ADGRL2: variants seen among roughly 807,000 people sequenced by gnomAD.
The protein encoded by ADGRL2 is calcium-independent alpha-latrotoxin receptor 2.
Under a neutral mutation model 157.4 loss-of-function variants are expected in ADGRL2, and 44 were observed. The ratio of observed to expected loss-of-function variants is 0.28; its 90% CI spans 0.22 to 0.36. ADGRL2 has a LOEUF of 0.36. Among genes scored for constraint, ADGRL2 ranks in the 10% least tolerant of loss-of-function variants. The pLI is 1.00. For missense variants in ADGRL2, 1,510 were observed against 1,768.9 expected (o/e 0.85, Z 2.63); for synonymous variants, 585 against 624.7 (o/e 0.94, Z 0.95).
intron 3 of ADGRL2, among the ~76,000 whole-genome samples, chr1:81,645,795 C>A (rs1279460171): frequency 1.3e-5 from 2 of 152,040 alleles, no homozygotes; most frequent in African/African-American, 2.4e-5. Flanking sequence ...CATATTTCCC[C>A]CCTCTAATAA....
chr1:81,678,125 CTTATAA>C lies in ADGRL2; in HGVS notation c.-142-83680_-142-83675del, dbSNP rs2083034174. Among the ~76,000 whole-genome samples, 6 of 152,280 alleles carry C rather than the reference CTTATAA, an allele frequency of 3.9e-5. No homozygotes were observed. In the South Asian group the frequency reaches 1.2e-3, roughly 32 times the overall value. On this transcript the variant is annotated intron_variant, in intron 3 of 24. Coordinates refer to the ADGRL2 transcript ENST00000370721. ...GGAAGAATTTATCATTCCTGCAGGA[CTTATAA>C]TTATATCCATTATACCACACCATAT... is the stretch of plus-strand genomic sequence containing the variant.
chr1:81,358,206 G>C (rs1196682697), intron 1 of ADGRL2, among the ~76,000 whole-genome samples: 1 of 152,192 alleles, frequency 6.6e-6, no homozygotes, highest in Non-Finnish European at 1.5e-5. Context: ...TTTTTAAACT[G>C]TGTGACAGAG....
At chr1:81,475,599 T>A (rs2078256425) in intron 2 of ADGRL2, among the ~76,000 whole-genome samples, 1 of 152,206 alleles carries the variant, frequency 6.6e-6, no homozygotes, top group Non-Finnish European at 1.5e-5. Flanking sequence ...GCTAAAACCT[T>A]TAATAATTTT....
intron 2 of ADGRL2, among the ~76,000 whole-genome samples, chr1:81,871,448 C>A (rs1485896898): frequency 6.6e-6 from 1 of 151,900 alleles, no homozygotes; most frequent in Non-Finnish European, 1.5e-5. Flanking sequence ...GGGTGTATAC[C>A]CAGTAATGGG....
chr1:81,590,358 A>G (rs1054809397), intron 3 of ADGRL2, among the ~76,000 whole-genome samples: 1 of 152,112 alleles, frequency 6.6e-6, no homozygotes, highest in Non-Finnish European at 1.5e-5. Flanking sequence ...CCTTTCACAT[A>G]GTAACCATTT....
rs1190015060 is a variant in ADGRL2 at position 81,501,833 on chromosome 1, C to CAGCAGCAGCAGCAGCAG, written c.-248+56744_-248+56745insAGCAGCAGCAGCAGCAG. 3 of 1,588,558 alleles carry CAGCAGCAGCAGCAGCAG rather than the reference C, an allele frequency of 1.9e-6. No individual in the cohort carries two copies. In the African/African-American group the frequency reaches 4.1e-5, roughly 22 times the overall value. ...GCAACAGCAGCAGCAACAGAAGCAG[C>CAGCAGCAGCAGCAGCAG]CACACCTGGCTCCTCTGCAGATGGA... On this transcript the variant is annotated intron_variant, in intron 2 of 24. Coordinates refer to the ADGRL2 transcript ENST00000370721.
intron 1 of ADGRL2, among the ~76,000 whole-genome samples, chr1:81,440,353 A>C (rs974793850): frequency 6.6e-6 from 1 of 152,222 alleles, no homozygotes; most frequent in Non-Finnish European, 1.5e-5. Flanking sequence ...TACATAAATT[A>C]GCCGCTGTGA....
At chr1:81,427,420 CA>C in intron 1 of ADGRL2, 1 of 747,748 alleles carries the variant, frequency 1.3e-6, no homozygotes, top group East Asian at 2.4e-5. Context: ...ATGATGGTTG[CA>C]ATGGAGGAAA....
intron 3 of ADGRL2, among the ~76,000 whole-genome samples, chr1:81,933,173 A>G (rs1456121764): frequency 6.6e-6 from 1 of 152,208 alleles, no homozygotes; most frequent in African/African-American, 2.4e-5. Flanking sequence ...ATATTCTAGT[A>G]TCTGCTTCTT....
At chr1:81,508,469 A>G (rs986458614) in intron 2 of ADGRL2, among the ~76,000 whole-genome samples, 1 of 152,236 alleles carries the variant, frequency 6.6e-6, no homozygotes, top group Non-Finnish European at 1.5e-5. Context: ...ATGAGGCATT[A>G]CAAACGTTAT....
chr1:81,745,623 C>T (rs2085220001), intron 1 of ADGRL2, among the ~76,000 whole-genome samples: 1 of 152,130 alleles, frequency 6.6e-6, no homozygotes, highest in Admixed American at 6.5e-5. Flanking sequence ...AACACTGTGA[C>T]AGATAATAGG....
At chr1:81,847,191 G>A (rs1308530552) in intron 2 of ADGRL2, among the ~76,000 whole-genome samples, 2 of 151,856 alleles carry the variant, frequency 1.3e-5, no homozygotes, top group Non-Finnish European at 2.9e-5. Flanking sequence ...GAAAGATGAT[G>A]GAGGTCATGC....
chr1:81,684,781 T>C (rs1184887653), intron 3 of ADGRL2, among the ~76,000 whole-genome samples: 1 of 152,254 alleles, frequency 6.6e-6, no homozygotes, highest in Non-Finnish European at 1.5e-5. Context: ...GGTTTAAGTC[T>C]TCAATCCATC....
intron 1 of ADGRL2, among the ~76,000 whole-genome samples, chr1:81,347,773 C>T (rs953309155): frequency 1.2e-4 from 18 of 152,186 alleles, no homozygotes; most frequent in African/African-American, 3.9e-4. Flanking sequence ...ATGCATTTCA[C>T]GGACTTAATC....
At chr1:81,689,693 G>A (rs924191562) in intron 3 of ADGRL2, among the ~76,000 whole-genome samples, 2 of 152,210 alleles carry the variant, frequency 1.3e-5, no homozygotes, top group Admixed American at 6.5e-5. Context: ...GTGGGTGACA[G>A]AATGCAGCGA....
At position 81,607,912 on chromosome 1, in the gene ADGRL2, CCT is replaced by C. The variant is rs546109630; in HGVS notation, c.-143+26939_-143+26940del. On this transcript the variant is annotated intron_variant, in intron 3 of 24. Transcript: ENST00000370721. Reference sequence around the variant, plus strand: ...AAATCCATTAAATGTAGCTTTCTTTCCTCTCTCTGAGTCCCTAGAGTTTATTC... The same window carrying C: ...AAATCCATTAAATGTAGCTTTCTTTCCTCTCTGAGTCCCTAGAGTTTATTC... Among the ~76,000 whole-genome samples, 24 of 152,258 alleles carry C rather than the reference CCT, an allele frequency of 1.6e-4. 1 individual carries two copies. In the South Asian group the frequency reaches 5.0e-3, roughly 32 times the overall value.
At chr1:81,356,103 C>G (rs777576729) in intron 1 of ADGRL2, among the ~76,000 whole-genome samples, 3 of 152,144 alleles carry the variant, frequency 2.0e-5, no homozygotes, top group Non-Finnish European at 2.9e-5. Flanking sequence ...ATAAGAAAAA[C>G]CTGAGATGGC....
chr1:81,420,598 T>A (rs952320309), intron 1 of ADGRL2, among the ~76,000 whole-genome samples: 2 of 152,222 alleles, frequency 1.3e-5, no homozygotes, highest in African/African-American at 4.8e-5. Flanking sequence ...TCCTTCAAAG[T>A]TGCAGAGTGA....
At chr1:81,822,028 C>CTTTTTTTTT (rs10653806) in intron 1 of ADGRL2, among the ~76,000 whole-genome samples, 11 of 125,156 alleles carry the variant, frequency 8.8e-5, no homozygotes, top group African/African-American at 1.5e-4. Flanking sequence ...ATATCAGAAA[C>CTTTTTTTTT]TTTTTTTTTT....
Sources: allele counts gnomAD v4.1 joint callset (sites outside exome capture counted in the v4.1 genomes callset), GRCh38; gene constraint gnomAD v4.1.1; transcripts MANE v1.5; gene names NCBI Gene and HGNC (gene_info 2026-07-23, HGNC 2026-07-21).